FOXJ3: variants seen among roughly 807,000 people sequenced by gnomAD.
FOXJ3 encodes forkhead box protein J3.
Under a neutral mutation model 76.1 loss-of-function variants are expected in FOXJ3, and 22 were observed. The ratio of observed to expected loss-of-function variants is 0.29; its 90% CI spans 0.21 to 0.41. The LOEUF (loss-of-function observed/expected upper bound fraction) is 0.41, where lower values mean the gene tolerates loss of function less well. FOXJ3 is among the 10% of genes least tolerant of loss of function. The pLI is 1.00. For synonymous variants in FOXJ3, 269 were observed against 261.2 expected, an observed-to-expected ratio of 1.03 and a Z score of -0.29; for missense variants, 613 against 762.1, an observed-to-expected ratio of 0.80 and a Z score of 2.30.
rs968901744 is a variant in FOXJ3, at chr1:42,185,252, A to T, written c.1646-3228T>A. ...AGAAGTGTAGCCCTCAACATACTGA[A>T]TTTTTTTTTTTTTTTTTTTTTTTGA... On this transcript the variant is annotated intron_variant, in intron 11 of 12. Transcript: ENST00000361346. Among the ~76,000 whole-genome samples, 201 of 108,364 alleles carry T rather than the reference A, an allele frequency of 1.9e-3. 1 individual carries two copies. The highest frequency in any genetic ancestry group is 3.2e-3 in the Non-Finnish European group (180 of 56,704). 71.1% of individuals were successfully genotyped at this position (108,364 alleles called of 152,430 possible).
At chr1:42,188,052 GAAGA>G (rs1055291440) in intron 11 of FOXJ3, among the ~76,000 whole-genome samples, 11 of 152,190 alleles carry the variant, frequency 7.2e-5, no homozygotes, top group African/African-American at 2.7e-4. Context: ...TCAGGATAGA[GAAGA>G]GAGAGCTTGT....
chr1:42,319,691 GA>G (rs1216504745), intron 1 of FOXJ3, among the ~76,000 whole-genome samples: 2 of 151,798 alleles, frequency 1.3e-5, no homozygotes, highest in African/African-American at 4.8e-5. Context: ...AAGCAGTTAG[GA>G]AAAAAAATAA....
In FOXJ3 at chr1:42,277,514, C is replaced by A. The variant is rs901073147; in HGVS notation, c.369+834G>T. On this transcript the variant is annotated intron_variant, in intron 3 of 12. Coordinates refer to ENST00000361346, the MANE Select transcript of FOXJ3 (RefSeq NM_014947.5). The stretch of plus-strand genomic sequence containing the variant: ...CATCTCTACTAAAAATACAAAAAAT[C>A]TGGCCGGGCGCGGTGGCTCACGCCT... 8.0e-5 allele frequency among the ~76,000 whole-genome samples: 5 copies of A among 62,354 alleles called. 1 individual carries two copies. The highest frequency in any genetic ancestry group is 1.5e-4 in the African/African-American group (3 of 20,430). The allele number at this position is 62,354 out of a possible 152,430, so 40.9% of individuals were successfully genotyped here. A position where few individuals can be genotyped will look rare whatever the true frequency, so the allele number is the denominator to read the frequency against.
chr1:42,296,663 T>A (rs1274432051), intron 2 of FOXJ3, among the ~76,000 whole-genome samples: 1 of 152,256 alleles, frequency 6.6e-6, no homozygotes, highest in Admixed American at 6.5e-5. Context: ...TCCACTGATC[T>A]CTATGCATAT....
chr1:42,180,626 T>G (rs1646300049), intron 12 of FOXJ3, among the ~76,000 whole-genome samples: 1 of 152,234 alleles, frequency 6.6e-6, no homozygotes, highest in Non-Finnish European at 1.5e-5. Context: ...AGTCTGCTAC[T>G]CATTTTTCTC....
intron 4 of FOXJ3, among the ~76,000 whole-genome samples, chr1:42,241,176 C>G (rs1242374793): frequency 2.0e-5 from 3 of 152,092 alleles, no homozygotes; most frequent in African/African-American, 4.8e-5. Flanking sequence ...AGAAGAATCC[C>G]TACGAGGGCC....
intron 12 of FOXJ3, 39 bp downstream of exon 12, chr1:42,181,877 AC>A: frequency 7.5e-7 from 1 of 1,332,008 alleles, no homozygotes; most frequent in Non-Finnish European, 1.1e-6. Context: ...ACACACACAC[AC>A]ACACACACAC....
intron 2 of FOXJ3, among the ~76,000 whole-genome samples, chr1:42,291,418 T>C: frequency 6.6e-6 from 1 of 152,196 alleles, no homozygotes; most frequent in South Asian, 2.1e-4. Flanking sequence ...AAAACTTTTG[T>C]TCTTCAAAGA....
chr1:42,268,316 A>G (rs1376078377), intron 3 of FOXJ3, among the ~76,000 whole-genome samples: 1 of 152,072 alleles, frequency 6.6e-6, no homozygotes, highest in East Asian at 1.9e-4. Context: ...AAAATACTGA[A>G]AGAAAAAAAA....
intron 2 of FOXJ3, among the ~76,000 whole-genome samples, chr1:42,298,539 T>C (rs557819140): frequency 9.2e-5 from 14 of 152,164 alleles, no homozygotes; most frequent in East Asian, 1.9e-4. Flanking sequence ...TTTCTGCTTA[T>C]ATTTAAAACT....
intron 5 of FOXJ3, among the ~76,000 whole-genome samples, chr1:42,225,590 C>A (rs1041538816): frequency 5.9e-5 from 9 of 152,080 alleles, no homozygotes; most frequent in African/African-American, 2.2e-4. Context: ...CAGGGGCAAC[C>A]AATATCCAGC....
intron 4 of FOXJ3, among the ~76,000 whole-genome samples, chr1:42,237,759 T>A (rs1424775112): frequency 6.6e-6 from 1 of 152,072 alleles, no homozygotes; most frequent in African/African-American, 2.4e-5. Context: ...AGTCTTAACT[T>A]CCATGTTTAG....
chr1:42,313,252 G>T (rs1025089849), intron 1 of FOXJ3, among the ~76,000 whole-genome samples: 2 of 151,636 alleles, frequency 1.3e-5, no homozygotes, highest in Non-Finnish European at 2.9e-5. Flanking sequence ...CAGGAGAATC[G>T]CTTGAACCTG....
At chr1:42,187,760 T>C (rs2124167668) in intron 11 of FOXJ3, among the ~76,000 whole-genome samples, 1 of 152,332 alleles carries the variant, frequency 6.6e-6, no homozygotes, top group East Asian at 1.9e-4. Flanking sequence ...AGCCAGGGAC[T>C]GAACAAGGCC....
intron 1 of FOXJ3, among the ~76,000 whole-genome samples, chr1:42,330,958 C>T (rs930711553): frequency 9.9e-5 from 15 of 152,092 alleles, no homozygotes; most frequent in African/African-American, 3.6e-4. Context: ...TGTTCAAGGG[C>T]CATGTCTTAT....
intron 5 of FOXJ3, among the ~76,000 whole-genome samples, chr1:42,218,778 C>A (rs1000071445): frequency 3.3e-5 from 5 of 152,196 alleles, no homozygotes; most frequent in Non-Finnish European, 2.9e-5. Context: ...AAGCCCTGCA[C>A]AATTTGCCTC....
intron 2 of FOXJ3, among the ~76,000 whole-genome samples, chr1:42,301,712 A>G (rs1281880427): frequency 6.6e-6 from 1 of 152,068 alleles, no homozygotes; most frequent in Non-Finnish European, 1.5e-5. Context: ...CATATCCCAA[A>G]CTGTTTTTCT....
chr1:42,217,388 G>A (rs1042837387), intron 5 of FOXJ3, among the ~76,000 whole-genome samples: 1 of 152,094 alleles, frequency 6.6e-6, no homozygotes, highest in Non-Finnish European at 1.5e-5. Flanking sequence ...ACTTCGCTGG[G>A]CGTGGTGGCA....
rs1197797746 is a variant in FOXJ3, at chr1:42,280,460, A to AAAAAC, written c.45-1789_45-1788insGTTTT. 33 of 948,372 alleles carry AAAAAC rather than the reference A, an allele frequency of 3.5e-5. No homozygotes were observed. In the African/African-American group the frequency reaches 5.9e-4, roughly 17 times the overall value. 58.7% of individuals were successfully genotyped at this position (948,372 alleles called of 1,614,324 possible). ...TCTTAAAAAAAAAAAAAAAAAAAAA[A>AAAAAC]AAAAAACTTACTATCCTACTCTACA... On this transcript the variant is annotated intron_variant, in intron 2 of 12. Coordinates refer to ENST00000361346, the MANE Select transcript of FOXJ3 (RefSeq NM_014947.5).
Sources: gnomAD v4.1 joint callset for allele counts (sites outside exome capture counted in the v4.1 genomes callset) on GRCh38, gnomAD v4.1.1 for gene constraint, MANE v1.5 for transcripts, NCBI Gene and HGNC (gene_info 2026-07-23, HGNC 2026-07-21) for gene names.